HDAC9: variants seen among roughly 807,000 people sequenced by gnomAD.
HDAC9 encodes histone deacetylase 9, also known as MEF-2 interacting transcription repressor (MITR) protein.
HDAC9 carries 41 observed loss-of-function variants against 139.4 expected under a neutral mutation model. The observed-to-expected ratio is 0.29, with a 90% CI of 0.23 to 0.38. HDAC9 has a LOEUF of 0.38. HDAC9 is among the 10% of genes least tolerant of loss of function. The pLI, the probability that HDAC9 is intolerant of heterozygous loss-of-function variation, is 1.00. For synonymous variants in HDAC9, 517 were observed against 476.2 expected, an observed-to-expected ratio of 1.09 and a Z score of -1.12; for missense variants, 1,147 against 1,297.0, an observed-to-expected ratio of 0.88 and a Z score of 1.78.
At chr7:18,729,592 G>A (rs1785855570) in intron 13 of HDAC9, among the ~76,000 whole-genome samples, 1 of 152,084 alleles carries the variant, frequency 6.6e-6, no homozygotes. Context: ...CAGATGCAAG[G>A]GTAGACTGTA....
intron 1 of HDAC9, among the ~76,000 whole-genome samples, chr7:18,434,066 C>A (rs939320017): frequency 3.3e-5 from 5 of 152,248 alleles, no homozygotes; most frequent in African/African-American, 9.6e-5. Flanking sequence ...CAAAAACAGA[C>A]ACATAGACCA....
At chr7:18,608,411 C>T (rs1401036646) in intron 6 of HDAC9, among the ~76,000 whole-genome samples, 1 of 152,024 alleles carries the variant, frequency 6.6e-6, no homozygotes, top group Non-Finnish European at 1.5e-5. Flanking sequence ...GTGTATCAGC[C>T]TCCTGTTTTA....
chr7:18,605,341 C>CTTCTTAGCCG (rs1424703988), intron 6 of HDAC9, among the ~76,000 whole-genome samples: 7 of 152,136 alleles, frequency 4.6e-5, no homozygotes, highest in Non-Finnish European at 7.4e-5. Context: ...CCTTGAACTA[C>CTTCTTAGCCG]TTCTTAGCCT....
At chr7:18,480,345 C>G (rs1003863930) in intron 1 of HDAC9, among the ~76,000 whole-genome samples, 1 of 152,156 alleles carries the variant, frequency 6.6e-6, no homozygotes, top group Non-Finnish European at 1.5e-5. Flanking sequence ...TCTCCTAGCA[C>G]CACCCTGCCT....
At chr7:18,492,926 AT>A (rs1796474656), upstream of HDAC9, among the ~76,000 whole-genome samples, 1 of 151,858 alleles carries the variant, frequency 6.6e-6, no homozygotes, top group Non-Finnish European at 1.5e-5. Flanking sequence ...ACTCTAAAAT[AT>A]TTTTTCATTA....
At chr7:18,788,726 G>A (rs919011081) in intron 16 of HDAC9, among the ~76,000 whole-genome samples, 3 of 147,216 alleles carry the variant, frequency 2.0e-5, no homozygotes, top group Non-Finnish European at 4.5e-5. Context: ...CTGCACTCCA[G>A]CCTGGATGAC....
At chr7:18,199,585 C>T (rs1167352586) in intron 2 of HDAC9, among the ~76,000 whole-genome samples, 4 of 151,636 alleles carry the variant, frequency 2.6e-5, no homozygotes, top group African/African-American at 7.3e-5. Flanking sequence ...CAGGAGTTTG[C>T]GACCAGCCTG....
rs1796793718 is a variant in HDAC9 at position 18,495,813 on chromosome 7, T to G, written c.-252T>G. ...TGGAGCCACTTGCAGGACTGAGGGTTTTTGCAACAAAACCCTAGCAGCCTG... is the reference window on the plus strand; with the variant it reads ...TGGAGCCACTTGCAGGACTGAGGGTGTTTGCAACAAAACCCTAGCAGCCTG... On this transcript the variant is annotated 5_prime_UTR_variant, in exon 1 of 26. Transcript: ENST00000686413. 2.0e-6 allele frequency: 2 copies of G among 1,012,772 alleles called. No individual in the cohort carries two copies. The highest frequency in any genetic ancestry group is 2.4e-6 in the Non-Finnish European group (2 of 848,394). 62.7% of individuals were successfully genotyped at this position (1,012,772 alleles called of 1,614,324 possible). A position where few individuals can be genotyped will look rare whatever the true frequency, so the allele number is the denominator to read the frequency against.
At chr7:18,797,861 A>T (rs144049012) in intron 17 of HDAC9, among the ~76,000 whole-genome samples, 1,942 of 152,098 alleles carry the variant, frequency 0.013, 42 homozygotes, top group African/African-American at 0.045. Flanking sequence ...CGTCTTGTTA[A>T]TAGCTTTAAA....
intron 1 of HDAC9, among the ~76,000 whole-genome samples, chr7:18,365,679 A>G (rs1476832062): frequency 6.6e-6 from 1 of 151,848 alleles, no homozygotes; most frequent in Non-Finnish European, 1.5e-5. Context: ...CCTACATTTG[A>G]ACAATTTTAT....
At chr7:18,229,918 G>C (rs902518833) in intron 2 of HDAC9, among the ~76,000 whole-genome samples, 4 of 152,076 alleles carry the variant, frequency 2.6e-5, no homozygotes, top group Non-Finnish European at 4.4e-5. Context: ...ATATTTAACT[G>C]TTTCTACAAG....
At chr7:18,414,544 T>C (rs535734741) in intron 1 of HDAC9, among the ~76,000 whole-genome samples, 1 of 152,292 alleles carries the variant, frequency 6.6e-6, no homozygotes, top group East Asian at 1.9e-4. Context: ...ATATTTGCTG[T>C]CTAAAATGCC....
chr7:18,783,633 G>A (rs1237893542), intron 16 of HDAC9, among the ~76,000 whole-genome samples: 2 of 150,326 alleles, frequency 1.3e-5, no homozygotes, highest in Non-Finnish European at 3.0e-5. Context: ...TACCACACAA[G>A]GAATCAACTC....
At chr7:18,255,317 A>C (rs1191162167) in intron 2 of HDAC9, among the ~76,000 whole-genome samples, 1 of 152,172 alleles carries the variant, frequency 6.6e-6, no homozygotes, top group African/African-American at 2.4e-5. Flanking sequence ...TGGCAGAGTG[A>C]GATTCTTTTT....
chr7:18,183,748 G>A (rs529517744), intron 2 of HDAC9, among the ~76,000 whole-genome samples: 56 of 152,266 alleles, frequency 3.7e-4, no homozygotes, highest in Non-Finnish European at 6.9e-4. Flanking sequence ...GCCTCCCAAA[G>A]TGTTGTGATT....
intron 23 of HDAC9, among the ~76,000 whole-genome samples, chr7:18,940,401 A>T (rs1781945611): frequency 6.6e-6 from 1 of 152,198 alleles, no homozygotes; most frequent in African/African-American, 2.4e-5. Flanking sequence ...CCTGGAGGCA[A>T]CTGATATTGA....
chr7:18,109,822 A>G (rs1783488319), intron 1 of HDAC9, among the ~76,000 whole-genome samples: 2 of 152,180 alleles, frequency 1.3e-5, no homozygotes, highest in Admixed American at 1.3e-4. Context: ...AAATAATAAG[A>G]AACTTTGCTT....
At chr7:18,539,533 G>A (rs941630247) in intron 2 of HDAC9, among the ~76,000 whole-genome samples, 3 of 152,152 alleles carry the variant, frequency 2.0e-5, no homozygotes, top group Non-Finnish European at 4.4e-5. Flanking sequence ...TTGTACTCAC[G>A]TTAATTTCTT....
chr7:18,640,203 G>A (rs548072292), intron 8 of HDAC9, among the ~76,000 whole-genome samples: 2 of 150,562 alleles, frequency 1.3e-5, no homozygotes, highest in South Asian at 2.1e-4. Context: ...TTTAAGACGA[G>A]CCTGGGCAAC....
Sources: allele counts gnomAD v4.1 joint callset (sites outside exome capture counted in the v4.1 genomes callset), GRCh38; gene constraint gnomAD v4.1.1; transcripts MANE v1.5; gene names NCBI Gene and HGNC (gene_info 2026-07-23, HGNC 2026-07-21).